The following SLC24A3 variants were observed in gnomAD, a reference collection of about 807,000 sequenced individuals.
SLC24A3 encodes sodium/potassium/calcium exchanger 3.
SLC24A3 carries 28 observed loss-of-function variants against 75.8 expected under a neutral mutation model. The observed-to-expected ratio is 0.37, with a 90% CI of 0.27 to 0.51. The LOEUF (loss-of-function observed/expected upper bound fraction) is 0.51, where lower values mean the gene tolerates loss of function less well. Ranked by LOEUF, SLC24A3 falls within the 20% of genes least tolerant of loss-of-function variation. The pLI is 0.94. For missense variants in SLC24A3, 663 were observed against 847.8 expected, an observed-to-expected ratio of 0.78 and a Z score of 2.71; for synonymous variants, 372 against 334.1, an observed-to-expected ratio of 1.11 and a Z score of -1.24.
chr20:19,336,693 AC>A (rs1985143821), intron 2 of SLC24A3, among the ~76,000 whole-genome samples: 2 of 13,208 alleles, frequency 1.5e-4, no homozygotes, highest in Admixed American at 5.8e-4. Context: ...GCCACCCCCC[AC>A]CCCCCACCCC....
intron 6 of SLC24A3, among the ~76,000 whole-genome samples, chr20:19,621,039 A>G (rs750962922): frequency 6.6e-6 from 1 of 152,104 alleles, no homozygotes; most frequent in Non-Finnish European, 1.5e-5. Context: ...AAGATCATCT[A>G]TTTTCTCTTT....
intron 2 of SLC24A3, among the ~76,000 whole-genome samples, chr20:19,395,375 C>T (rs571445716): frequency 2.0e-5 from 3 of 152,330 alleles, no homozygotes; most frequent in Middle Eastern, 3.4e-3. Flanking sequence ...CACTTATGAT[C>T]CACATGATCT....
chr20:19,621,856 A>G (rs908451444), intron 6 of SLC24A3, among the ~76,000 whole-genome samples: 1 of 152,096 alleles, frequency 6.6e-6, no homozygotes, highest in Non-Finnish European at 1.5e-5. Flanking sequence ...CTTAGCTGTT[A>G]TGTTTGTGAA....
intron 2 of SLC24A3, among the ~76,000 whole-genome samples, chr20:19,287,260 T>C (rs1030996423): frequency 2.6e-5 from 4 of 152,246 alleles, no homozygotes; most frequent in Non-Finnish European, 5.9e-5. Context: ...GTTGCTGTGC[T>C]TCTTTGCATT....
intron 8 of SLC24A3, among the ~76,000 whole-genome samples, chr20:19,669,545 G>GGAT (rs2032441155): frequency 6.6e-6 from 1 of 151,984 alleles, no homozygotes; most frequent in Non-Finnish European, 1.5e-5. Context: ...CCACATATTA[G>GGAT]GATGTATGCT....
chr20:19,628,202 C>CAAAAAAAAAAAAAAAAAA (rs776701707), intron 6 of SLC24A3, among the ~76,000 whole-genome samples: 18 of 51,662 alleles, frequency 3.5e-4, no homozygotes, highest in Non-Finnish European at 5.8e-4. Flanking sequence ...GACTCCATCT[C>CAAAAAAAAAAAAAAAAAA]AAAAAAAAAA....
intron 3 of SLC24A3, among the ~76,000 whole-genome samples, chr20:19,541,294 G>A (rs540215564): frequency 5.9e-5 from 9 of 152,292 alleles, no homozygotes; most frequent in African/African-American, 2.2e-4. Context: ...GGAAGATGTT[G>A]GAGCTATCCT....
At chr20:19,658,718 C>A (rs2032292378) in intron 7 of SLC24A3, among the ~76,000 whole-genome samples, 1 of 152,130 alleles carries the variant, frequency 6.6e-6, no homozygotes, top group African/African-American at 2.4e-5. Context: ...CCAATGCCTT[C>A]AGTCTCTTTT....
intron 3 of SLC24A3, among the ~76,000 whole-genome samples, chr20:19,567,881 T>G (rs1469934049): frequency 6.6e-6 from 1 of 152,178 alleles, no homozygotes; most frequent in Non-Finnish European, 1.5e-5. Context: ...GCAAATCGTA[T>G]ATCTGATAAG....
chr20:19,458,298 G>C (rs1433426367), intron 2 of SLC24A3, among the ~76,000 whole-genome samples: 1 of 152,082 alleles, frequency 6.6e-6, no homozygotes, highest in African/African-American at 2.4e-5. Context: ...CTTAAGGGTA[G>C]GTATATAAAA....
chr20:19,431,913 ATGGTGAGGGGAGCTTTAAACAT>A (rs1568616261), intron 2 of SLC24A3, among the ~76,000 whole-genome samples: 14 of 152,000 alleles, frequency 9.2e-5, no homozygotes, highest in Admixed American at 9.2e-4. Flanking sequence ...GACTTTCTGG[ATGGTGAGGGGAGCTTTAAACAT>A]TGCAAAGGGT....
At chr20:19,486,136 A>G (rs1988123994) in intron 2 of SLC24A3, among the ~76,000 whole-genome samples, 2 of 152,194 alleles carry the variant, frequency 1.3e-5, no homozygotes, top group African/African-American at 2.4e-5. Flanking sequence ...CCACATCCCT[A>G]GGCTTAGCAA....
chr20:19,314,659 T>A (rs149226160), intron 2 of SLC24A3, among the ~76,000 whole-genome samples: 83 of 152,350 alleles, frequency 5.4e-4, no homozygotes, highest in South Asian at 1.0e-3. Flanking sequence ...AGCATTCTCA[T>A]TCCTTGTCTG....
intron 3 of SLC24A3, among the ~76,000 whole-genome samples, chr20:19,574,058 C>T (rs1432395066): frequency 6.6e-6 from 1 of 152,162 alleles, no homozygotes; most frequent in South Asian, 2.1e-4. Flanking sequence ...CACCAAGCAG[C>T]GCATCTGGCT....
At chr20:19,224,927 T>G (rs1358683737) in intron 1 of SLC24A3, among the ~76,000 whole-genome samples, 4 of 152,234 alleles carry the variant, frequency 2.6e-5, no homozygotes, top group Non-Finnish European at 5.9e-5. Context: ...TTTCTGGGAA[T>G]TTTTTGGCAT....
intron 2 of SLC24A3, among the ~76,000 whole-genome samples, chr20:19,297,890 T>A (rs61043458): frequency 0.02 from 3,061 of 152,226 alleles, 41 homozygotes; most frequent in African/African-American, 0.031. Flanking sequence ...CATGAACTGG[T>A]CTCAAAAATC....
chr20:19,509,479 C>A (rs1226886454), intron 2 of SLC24A3, among the ~76,000 whole-genome samples: 6 of 152,196 alleles, frequency 3.9e-5, no homozygotes. Context: ...CTTGGCAGAG[C>A]CTTCCAGTCC....
At chr20:19,368,106 G>C (rs1334000875) in intron 2 of SLC24A3, among the ~76,000 whole-genome samples, 1 of 152,200 alleles carries the variant, frequency 6.6e-6, no homozygotes, top group South Asian at 2.1e-4. Context: ...ATGTGAGTGT[G>C]TGTGTGTGTG....
intron 1 of SLC24A3, among the ~76,000 whole-genome samples, chr20:19,225,753 T>G (rs1001631416): frequency 6.6e-6 from 1 of 152,204 alleles, no homozygotes; most frequent in African/African-American, 2.4e-5. Flanking sequence ...CTAAGTTGTT[T>G]TGCACATCAG....
Sources: gnomAD v4.1 joint callset for allele counts (sites outside exome capture counted in the v4.1 genomes callset) on GRCh38, gnomAD v4.1.1 for gene constraint, MANE v1.5 for transcripts, NCBI Gene and HGNC (gene_info 2026-07-23, HGNC 2026-07-21) for gene names.